DAB1: variants seen among roughly 807,000 people sequenced by gnomAD.
The protein encoded by DAB1 is disabled homolog 1.
A neutral mutation model predicts 64.6 loss-of-function variants in DAB1; 15 were observed. That is an observed-to-expected ratio of 0.23 (90% CI 0.16 to 0.36). The LOEUF (loss-of-function observed/expected upper bound fraction) is 0.36, where lower values mean the gene tolerates loss of function less well. Ranked by LOEUF, DAB1 falls within the 10% of genes least tolerant of loss-of-function variation. DAB1 has a pLI of 1.00. For synonymous variants in DAB1, 235 were observed against 251.9 expected (o/e 0.93, Z 0.64); for missense variants, 596 against 706.7 (o/e 0.84, Z 1.78).
At chr1:57,464,727 ACT>A (rs755292167) in intron 7 of DAB1, among the ~76,000 whole-genome samples, 2 of 152,302 alleles carry the variant, frequency 1.3e-5, no homozygotes, top group South Asian at 4.1e-4. Context: ...GTCTTATCAT[ACT>A]GTTTCCACAG....
intron 3 of DAB1, among the ~76,000 whole-genome samples, chr1:58,359,035 T>C (rs1384495920): frequency 6.6e-6 from 1 of 150,912 alleles, no homozygotes; most frequent in Non-Finnish European, 1.5e-5. Flanking sequence ...TTGAGATCTA[T>C]AATTTAGCAA....
At chr1:57,163,323 C>T (rs879507685) in intron 2 of DAB1, among the ~76,000 whole-genome samples, 5 of 152,090 alleles carry the variant, frequency 3.3e-5, no homozygotes, top group Admixed American at 3.3e-4. Flanking sequence ...TCCATGAAGG[C>T]ATTTCTGTAG....
chr1:57,688,010 AT>A, intron 6 of DAB1, among the ~76,000 whole-genome samples: 1 of 152,268 alleles, frequency 6.6e-6, no homozygotes, highest in East Asian at 1.9e-4. Context: ...TTGACAAATA[AT>A]TTTTGGCTAA....
chr1:57,072,674 C>T (rs1490504720), intron 4 of DAB1, among the ~76,000 whole-genome samples: 1 of 152,192 alleles, frequency 6.6e-6, no homozygotes, highest in African/African-American at 2.4e-5. Flanking sequence ...CTTTATTCAG[C>T]TTGCTAGAGC....
At chr1:57,660,575 A>T (rs191453285) in intron 6 of DAB1, among the ~76,000 whole-genome samples, 1 of 152,234 alleles carries the variant, frequency 6.6e-6, no homozygotes, top group Non-Finnish European at 1.5e-5. Context: ...GTGCCTAAAG[A>T]CATGCTGCGT....
chr1:57,264,436 AT>A (rs1483134307), intron 2 of DAB1, among the ~76,000 whole-genome samples: 2 of 152,214 alleles, frequency 1.3e-5, no homozygotes, highest in African/African-American at 4.8e-5. Flanking sequence ...GAGGATGGGT[AT>A]TCTGATATCT....
upstream of DAB1, among the ~76,000 whole-genome samples, chr1:57,425,005 A>G (rs1685226653): frequency 6.6e-6 from 1 of 152,198 alleles, no homozygotes; most frequent in Non-Finnish European, 1.5e-5. Flanking sequence ...GTCCTAGCTC[A>G]CAAAGATCCT....
At chr1:57,233,417 T>G (rs1042115309) in intron 2 of DAB1, among the ~76,000 whole-genome samples, 10 of 150,470 alleles carry the variant, frequency 6.6e-5, no homozygotes, top group African/African-American at 9.7e-5. Context: ...CGCCCGCCAT[T>G]ACGCCTGGCT....
chr1:57,035,259 T>C (rs1647103604), intron 9 of DAB1, among the ~76,000 whole-genome samples: 1 of 152,198 alleles, frequency 6.6e-6, no homozygotes, highest in African/African-American at 2.4e-5. Context: ...GTCATAACTT[T>C]TAATAAAAAC....
chr1:57,080,042 G>T (rs1378470137), intron 4 of DAB1, among the ~76,000 whole-genome samples: 1 of 152,140 alleles, frequency 6.6e-6, no homozygotes, highest in Non-Finnish European at 1.5e-5. Flanking sequence ...GTACATCTAT[G>T]ATTTTACTGT....
rs531252006 is a variant in DAB1 at position 57,270,160 on chromosome 1, A to G, written c.67+20804T>C. ...TCTTCCTCCTGCACGCCACTCTGAG[A>G]GATGCGTGGTTACTGTCTGAGCCTT... On this transcript the variant is annotated intron_variant, in intron 2 of 14. Coordinates refer to ENST00000371236, the MANE Select transcript of DAB1 (RefSeq NM_001365792.1). Among the ~76,000 whole-genome samples, 4 of 152,284 alleles carry G rather than the reference A, an allele frequency of 2.6e-5. No individual in the cohort carries two copies. The East Asian group carries it at 7.7e-4, about 29-fold the overall frequency.
In DAB1 at chr1:57,193,143, A is replaced by G. The variant is rs191438999; in HGVS notation, c.68-47714T>C. Among the ~76,000 whole-genome samples the G allele has an allele frequency of 9.4e-4, 143 of 152,190 alleles. 6 individuals carry two copies. The highest frequency in any genetic ancestry group is 1.5e-5 in the Non-Finnish European group (1 of 67,998). Reference sequence around the variant, plus strand: ...TTAACTACAGTCACCATGTTGTAAAAGAGATGTCCTGAACTTCTTCCTCCT... The same window carrying G: ...TTAACTACAGTCACCATGTTGTAAAGGAGATGTCCTGAACTTCTTCCTCCT... On this transcript the variant is annotated intron_variant, in intron 2 of 14. Coordinates refer to ENST00000371236, the MANE Select transcript of DAB1 (RefSeq NM_001365792.1).
intron 5 of DAB1, among the ~76,000 whole-genome samples, chr1:57,938,882 C>G (rs1007365307): frequency 1.3e-5 from 2 of 151,950 alleles, no homozygotes; most frequent in Non-Finnish European, 2.9e-5. Flanking sequence ...TCCTCTTGTA[C>G]CAACTGCTTC....
chr1:57,254,852 C>T (rs1174993844), intron 2 of DAB1, among the ~76,000 whole-genome samples: 2 of 152,104 alleles, frequency 1.3e-5, no homozygotes, highest in Non-Finnish European at 2.9e-5. Context: ...TCTCCAAACA[C>T]ACACACATAC....
chr1:58,483,347 T>C (rs925693355), intron 3 of DAB1, among the ~76,000 whole-genome samples: 2 of 152,128 alleles, frequency 1.3e-5, no homozygotes, highest in Non-Finnish European at 2.9e-5. Flanking sequence ...AACATTTCAT[T>C]GAGTCCCACA....
chr1:58,060,117 T>G (rs1394244219), intron 5 of DAB1: 1 of 152,770 alleles, frequency 6.5e-6, no homozygotes, highest in Non-Finnish European at 1.5e-5. Flanking sequence ...GGCTTCTGTG[T>G]GGGGAGAGCA....
At chr1:57,642,184 C>T (rs1379052785) in intron 7 of DAB1, among the ~76,000 whole-genome samples, 1 of 151,910 alleles carries the variant, frequency 6.6e-6, no homozygotes, top group Non-Finnish European at 1.5e-5. Flanking sequence ...TGTCTCAGTA[C>T]CATAGGAAAA....
intron 1 of DAB1, among the ~76,000 whole-genome samples, chr1:57,398,948 T>C (rs1405539990): frequency 6.6e-6 from 1 of 152,204 alleles, no homozygotes; most frequent in Non-Finnish European, 1.5e-5. Context: ...TCTCCTGGTA[T>C]TGAAGTCCTT....
chr1:58,300,356 G>C (rs1172978851), intron 4 of DAB1, among the ~76,000 whole-genome samples: 3 of 151,788 alleles, frequency 2.0e-5, no homozygotes, highest in African/African-American at 7.3e-5. Context: ...GATCAGCCTG[G>C]CCAACATGGT....
Sources: allele counts gnomAD v4.1 joint callset (sites outside exome capture counted in the v4.1 genomes callset), GRCh38; gene constraint gnomAD v4.1.1; transcripts MANE v1.5; gene names NCBI Gene and HGNC (gene_info 2026-07-23, HGNC 2026-07-21).